Variants in FGF10 observed in about 807,000 individuals in gnomAD.
The protein encoded by FGF10 is fibroblast growth factor 10.
FGF10 carries 2 observed loss-of-function variants against 19.8 expected under a neutral mutation model. The observed-to-expected ratio is 0.10, with a 90% CI of 0.04 to 0.32. FGF10 has a LOEUF of 0.32. FGF10 is among the 10% of genes least tolerant of loss of function. FGF10 has a pLI of 1.00. For missense variants in FGF10, 191 were observed against 246.3 expected (o/e 0.78, Z 1.50); for synonymous variants, 112 against 94.0 (o/e 1.19, Z -1.10).
intron 1 of FGF10, among the ~76,000 whole-genome samples, chr5:44,377,448 A>C (rs945133248): frequency 5.9e-5 from 9 of 152,260 alleles, no homozygotes; most frequent in Non-Finnish European, 1.2e-4. Flanking sequence ...CGAAACTGTA[A>C]GTTGAAATAT....
At chr5:44,325,858 A>C (rs1162145120) in intron 1 of FGF10, among the ~76,000 whole-genome samples, 1 of 147,728 alleles carries the variant, frequency 6.8e-6, no homozygotes, top group Non-Finnish European at 1.5e-5. Context: ...GTACCCTAAA[A>C]CTTAAAGTAT....
At chr5:44,329,140 A>G (rs1740676030) in intron 1 of FGF10, among the ~76,000 whole-genome samples, 1 of 152,194 alleles carries the variant, frequency 6.6e-6, no homozygotes, top group African/African-American at 2.4e-5. Flanking sequence ...GGTGCATTTC[A>G]TTGATTCCTT....
intron 1 of FGF10, among the ~76,000 whole-genome samples, chr5:44,322,712 T>C (rs1185878612): frequency 1.3e-5 from 2 of 151,924 alleles, no homozygotes; most frequent in Non-Finnish European, 2.9e-5. Context: ...ACATTCTATC[T>C]TTGTGAAGCA....
chr5:44,339,531 G>T (rs556701645), intron 1 of FGF10, among the ~76,000 whole-genome samples: 1 of 152,064 alleles, frequency 6.6e-6, no homozygotes, highest in African/African-American at 2.4e-5. Flanking sequence ...TTTTCCTTGC[G>T]TATTTGCAAA....
intron 2 of FGF10, among the ~76,000 whole-genome samples, chr5:44,308,228 G>C (rs1472586009): frequency 6.6e-6 from 1 of 151,930 alleles, no homozygotes; most frequent in Non-Finnish European, 1.5e-5. Flanking sequence ...GCTGTGTTGG[G>C]GCAGAAGAAA....
chr5:44,377,752 A>G (rs1347556182), intron 1 of FGF10, among the ~76,000 whole-genome samples: 1 of 152,220 alleles, frequency 6.6e-6, no homozygotes, highest in Admixed American at 6.5e-5. Flanking sequence ...ATATTTGCAT[A>G]TACATAATGT....
intron 1 of FGF10, among the ~76,000 whole-genome samples, chr5:44,367,754 C>G (rs1741652285): frequency 6.6e-6 from 1 of 151,824 alleles, no homozygotes; most frequent in African/African-American, 2.4e-5. Context: ...GAAACAATAT[C>G]TAAAACCAGG....
Position 44,301,844 on chromosome 5 carries a change from A to G in FGF10, c.*3151T>C, listed in dbSNP as rs1739971571. Among the ~76,000 whole-genome samples the G allele has an allele frequency of 6.6e-6, 1 of 151,898 alleles. No homozygotes were observed. The highest frequency in any genetic ancestry group is 1.5e-5 in the Non-Finnish European group (1 of 68,036). ...GAGTTTCTGACTAATAAAACAAACAAGGACAATATTTTAATTTTCTTTTCC... is the reference window on the plus strand; with the variant it reads ...GAGTTTCTGACTAATAAAACAAACAGGGACAATATTTTAATTTTCTTTTCC... On this transcript the variant is annotated 3_prime_UTR_variant, in exon 3 of 3. Transcript: ENST00000264664.
At position 44,324,621 on chromosome 5, in the gene FGF10, G is replaced by C. The variant is rs537257309; in HGVS notation, c.326-14091C>G. ...TTCTCAAATCTGACTAGCTTATAAA[G>C]TGTTGTCAGATAATTATTAAATTCA... On this transcript the variant is annotated intron_variant, in intron 1 of 2. Transcript: ENST00000264664. Among the ~76,000 whole-genome samples, 62 of 152,176 alleles carry C rather than the reference G, an allele frequency of 4.1e-4. 1 individual carries two copies. In the Middle Eastern group the frequency reaches 0.01, roughly 25 times the overall value.
chr5:44,356,927 C>G (rs1741359456), intron 1 of FGF10, among the ~76,000 whole-genome samples: 1 of 151,246 alleles, frequency 6.6e-6, no homozygotes. Flanking sequence ...TTACACACTT[C>G]AAACTAACCA....
chr5:44,352,520 A>G (rs567283819), intron 1 of FGF10, among the ~76,000 whole-genome samples: 1 of 151,740 alleles, frequency 6.6e-6, no homozygotes, highest in Admixed American at 6.6e-5. Context: ...TTTGAGATCA[A>G]CAGTCTAAAG....
intron 1 of FGF10, among the ~76,000 whole-genome samples, chr5:44,321,099 A>T (rs963527254): frequency 1.3e-5 from 2 of 152,206 alleles, no homozygotes; most frequent in Non-Finnish European, 2.9e-5. Context: ...CTTAGTGGCT[A>T]ACCACATTGC....
At chr5:44,384,967 A>T (rs7714037) in intron 1 of FGF10, among the ~76,000 whole-genome samples, 303 of 152,236 alleles carry the variant, frequency 2.0e-3, no homozygotes, top group African/African-American at 7.2e-3. Flanking sequence ...TTTTACTCAC[A>T]TCCAGAAATA....
intron 1 of FGF10, among the ~76,000 whole-genome samples, chr5:44,368,535 A>G (rs1741671110): frequency 6.6e-6 from 1 of 152,160 alleles, no homozygotes; most frequent in Admixed American, 6.5e-5. Context: ...GTCAGTGGTT[A>G]CATACTGCTA....
At chr5:44,356,220 G>A (rs1356786765) in intron 1 of FGF10, among the ~76,000 whole-genome samples, 1 of 151,400 alleles carries the variant, frequency 6.6e-6, no homozygotes, top group East Asian at 1.9e-4. Flanking sequence ...GTTCCCGTGG[G>A]TAATATCTAA....
chr5:44,339,968 C>T (rs140186783), intron 1 of FGF10, among the ~76,000 whole-genome samples: 41 of 152,130 alleles, frequency 2.7e-4, no homozygotes, highest in African/African-American at 5.5e-4. Flanking sequence ...GACAGGAAAA[C>T]GGTAAGAAAT....
intron 1 of FGF10, among the ~76,000 whole-genome samples, chr5:44,323,177 C>T (rs1305226593): frequency 1.3e-5 from 2 of 152,076 alleles, no homozygotes; most frequent in African/African-American, 4.8e-5. Context: ...ATTTTTGCCA[C>T]AACTCACACT....
chr5:44,307,105 T>C (rs922599664), intron 2 of FGF10, among the ~76,000 whole-genome samples: 5 of 152,174 alleles, frequency 3.3e-5, no homozygotes, highest in Admixed American at 3.3e-4. Flanking sequence ...AGTGGGAGTG[T>C]ATGCTTAATG....
intron 1 of FGF10, among the ~76,000 whole-genome samples, chr5:44,373,655 CA>C (rs1741792388): frequency 6.6e-6 from 1 of 151,952 alleles, no homozygotes; most frequent in Non-Finnish European, 1.5e-5. Context: ...TCTGAGCCCT[CA>C]AAAAAAGCAC....
Sources: allele counts gnomAD v4.1 joint callset (sites outside exome capture counted in the v4.1 genomes callset), GRCh38; gene constraint gnomAD v4.1.1; transcripts MANE v1.5; gene names NCBI Gene and HGNC (gene_info 2026-07-23, HGNC 2026-07-21).